The following FAT3 variants were observed in gnomAD, a reference collection of about 807,000 sequenced individuals.
FAT3 encodes FAT atypical cadherin 3.
FAT3 carries 95 observed loss-of-function variants against 310.2 expected under a neutral mutation model. That is an observed-to-expected ratio of 0.31 (90% CI 0.26 to 0.36). FAT3 has a LOEUF of 0.36. FAT3 is among the 10% of genes least tolerant of loss of function. The pLI is 1.00. For synonymous variants in FAT3, 2,314 were observed against 2,192.9 expected (o/e 1.06, Z -1.54); for missense variants, 5,408 against 5,715.6 (o/e 0.95, Z 1.74).
chr11:92,506,547 T>C (rs1953105251), intron 2 of FAT3, among the ~76,000 whole-genome samples: 2 of 152,198 alleles, frequency 1.3e-5, no homozygotes, highest in African/African-American at 2.4e-5. Flanking sequence ...TTAAATAGTA[T>C]GTTAATATAA....
chr11:92,440,338 G>A (rs536624351), intron 2 of FAT3, among the ~76,000 whole-genome samples: 1 of 152,342 alleles, frequency 6.6e-6, no homozygotes, highest in Admixed American at 6.5e-5. Flanking sequence ...AGTGGAGCCA[G>A]TGCTGCTGGG....
chr11:92,435,389 A>T (rs1950902563), intron 2 of FAT3, among the ~76,000 whole-genome samples: 1 of 152,126 alleles, frequency 6.6e-6, no homozygotes, highest in African/African-American at 2.4e-5. Context: ...GCTAGAGGTG[A>T]TATGATAATA....
At chr11:92,817,515 A>T (rs1947854445) in intron 13 of FAT3, among the ~76,000 whole-genome samples, 2 of 152,170 alleles carry the variant, frequency 1.3e-5, no homozygotes, top group African/African-American at 4.8e-5. Flanking sequence ...GCTGGCATTC[A>T]CTAATAATGG....
intron 3 of FAT3, among the ~76,000 whole-genome samples, chr11:92,598,218 A>ATG (rs1939815482): frequency 8.1e-6 from 1 of 123,590 alleles, no homozygotes; most frequent in African/African-American, 3.9e-5. Flanking sequence ...ATGTATACAT[A>ATG]TATATATATA....
chr11:92,472,949 A>C (rs1233056125), intron 2 of FAT3, among the ~76,000 whole-genome samples: 1 of 152,164 alleles, frequency 6.6e-6, no homozygotes, highest in Non-Finnish European at 1.5e-5. Flanking sequence ...CTCTTCGTTT[A>C]TCTGTGACTT....
intron 2 of FAT3, among the ~76,000 whole-genome samples, chr11:92,444,693 T>G (rs533793336): frequency 1.3e-5 from 2 of 151,976 alleles, no homozygotes; most frequent in African/African-American, 4.8e-5. Flanking sequence ...TTATATTATT[T>G]TCTTAGAAGC....
At chr11:92,519,038 A>T (rs1029405247) in intron 2 of FAT3, among the ~76,000 whole-genome samples, 5 of 152,124 alleles carry the variant, frequency 3.3e-5, no homozygotes, top group African/African-American at 9.7e-5. Context: ...TGTCTTATGG[A>T]TTTTAAAGAT....
intron 3 of FAT3, among the ~76,000 whole-genome samples, chr11:92,608,789 G>A (rs1216733292): frequency 6.7e-6 from 1 of 150,036 alleles, no homozygotes; most frequent in African/African-American, 2.5e-5. Context: ...AGCCATCAAT[G>A]CCTAGGGAAC....
chr11:92,605,795 T>C (rs1278278670), intron 3 of FAT3, among the ~76,000 whole-genome samples: 1 of 150,906 alleles, frequency 6.6e-6, no homozygotes, highest in African/African-American at 2.4e-5. Context: ...CCCTATTTAT[T>C]GGCAGAGACT....
intron 3 of FAT3, among the ~76,000 whole-genome samples, chr11:92,565,815 G>A (rs1242894520): frequency 6.6e-6 from 1 of 152,122 alleles, no homozygotes; most frequent in Non-Finnish European, 1.5e-5. Flanking sequence ...ATGCAGAAAA[G>A]GCCTTTGACA....
chr11:92,334,905 G>A (rs1948019303), intron 1 of FAT3, among the ~76,000 whole-genome samples: 1 of 152,094 alleles, frequency 6.6e-6, no homozygotes, highest in South Asian at 2.1e-4. Flanking sequence ...CAGGCTGGAG[G>A]GACTGCCCTG....
chr11:92,301,631 C>A (rs539629197), intron 1 of FAT3, among the ~76,000 whole-genome samples: 35 of 152,210 alleles, frequency 2.3e-4, no homozygotes, highest in African/African-American at 6.5e-4. Context: ...CACTTATACC[C>A]ATTAGTCTCA....
intron 1 of FAT3, among the ~76,000 whole-genome samples, chr11:92,259,657 C>T (rs1865460048): frequency 6.6e-6 from 1 of 152,108 alleles, no homozygotes; most frequent in Admixed American, 6.6e-5. Context: ...GAACTTAGAA[C>T]TTCAAAAGAA....
intron 2 of FAT3, among the ~76,000 whole-genome samples, chr11:92,429,821 T>C (rs1194543389): frequency 6.6e-6 from 1 of 152,192 alleles, no homozygotes; most frequent in Non-Finnish European, 1.5e-5. Flanking sequence ...TTTTCCTTCA[T>C]TTCAATCTTG....
intron 22 of FAT3, among the ~76,000 whole-genome samples, chr11:92,872,412 T>G (rs1032631670): frequency 1.3e-5 from 2 of 152,216 alleles, no homozygotes; most frequent in African/African-American, 4.8e-5. Flanking sequence ...TTACTGAGCT[T>G]CGAGAAGGGA....
chr11:92,665,857 CCTTCT>C (rs1409738220), intron 3 of FAT3, among the ~76,000 whole-genome samples: 1 of 152,170 alleles, frequency 6.6e-6, no homozygotes, highest in African/African-American at 2.4e-5. Context: ...ATTTGGTCTT[CCTTCT>C]CTTCTACTTA....
chr11:92,703,274 A>G (rs2135924169), intron 4 of FAT3, among the ~76,000 whole-genome samples: 1 of 152,360 alleles, frequency 6.6e-6, no homozygotes, highest in South Asian at 2.1e-4. Context: ...TTCCTTTGGT[A>G]AAGCATCTGC....
intron 12 of FAT3, among the ~76,000 whole-genome samples, chr11:92,809,161 T>C (rs1183320135): frequency 6.6e-6 from 1 of 152,122 alleles, no homozygotes; most frequent in Non-Finnish European, 1.5e-5. Context: ...GTGGTTAAAA[T>C]ATAGACATAA....
In FAT3 at chr11:92,314,328, A is replaced by G. The variant is rs80210898; in HGVS notation, c.-17-37768A>G. On this transcript the variant is annotated intron_variant, in intron 1 of 27. Transcript: ENST00000525166. ...ATTTCTTCAGGTATGCAACTTAAACAAATACAAATTTGATAATTTTTACAT... is the reference window on the plus strand; with the variant it reads ...ATTTCTTCAGGTATGCAACTTAAACGAATACAAATTTGATAATTTTTACAT... 6.0e-3 allele frequency: 5,778 copies of G among 969,948 alleles called. 275 individuals are homozygous for G. In the African/African-American group the frequency reaches 0.093, roughly 16 times the overall value. The allele number at this position is 969,948 out of a possible 1,614,324, so 60.1% of individuals were successfully genotyped here. A position where few individuals can be genotyped will look rare whatever the true frequency, so the allele number is the denominator to read the frequency against.
Sources: gnomAD v4.1 joint callset for allele counts (sites outside exome capture counted in the v4.1 genomes callset) on GRCh38, gnomAD v4.1.1 for gene constraint, MANE v1.5 for transcripts, NCBI Gene and HGNC (gene_info 2026-07-23, HGNC 2026-07-21) for gene names.